Variants in LOXL4 observed in about 807,000 individuals in gnomAD.
LOXL4 encodes lysyl oxidase like 4, also known as lysyl oxidase homolog 4.
A neutral mutation model predicts 89.1 loss-of-function variants in LOXL4; 72 were observed. That is an observed-to-expected ratio of 0.81 (90% CI 0.67 to 0.98). The LOEUF is 0.98. Among genes scored for constraint, LOXL4 ranks in the 50% least tolerant of loss-of-function variants. LOXL4 has a pLI of 0.00. For missense variants in LOXL4, 984 were observed against 1,017.5 expected (o/e 0.97, Z 0.45); for synonymous variants, 355 against 392.1 (o/e 0.91, Z 1.12).
intron 12 of LOXL4, chr10:98,251,996 A>C: frequency 2.0e-6 from 1 of 506,234 alleles, no homozygotes; most frequent in Non-Finnish European, 3.5e-6. Context: ...ACCTCTAAAG[A>C]TTCAGTGTTT....
chr10:98,263,547 T>G (rs1667903933), intron 1 of LOXL4, among the ~76,000 whole-genome samples: 1 of 152,064 alleles, frequency 6.6e-6, no homozygotes, highest in African/African-American at 2.4e-5. Flanking sequence ...CACCTTCTGA[T>G]GTTCCTAGCA....
chr10:98,259,636 G>A (rs1858483193), intron 4 of LOXL4, among the ~76,000 whole-genome samples: 1 of 152,232 alleles, frequency 6.6e-6, no homozygotes, highest in Non-Finnish European at 1.5e-5. Context: ...AGGCAAGCAA[G>A]GTCCCTCGGC....
chr10:98,263,872 A>G (rs1213857091), intron 1 of LOXL4, among the ~76,000 whole-genome samples: 1 of 151,526 alleles, frequency 6.6e-6, no homozygotes, highest in Non-Finnish European at 1.5e-5. Flanking sequence ...CTGGGATTAC[A>G]GGCGCCCACC....
Position 98,256,804 on chromosome 10 carries a change from C to G in LOXL4, c.1404G>C (p.Leu468=). 1 of 1,614,174 alleles carries G rather than the reference C, an allele frequency of 6.2e-7. No homozygotes were observed. ...EAMVACRQLG[L]GFAIHAYKET... The stretch of plus-strand genomic sequence containing the variant: ...CCTTGTAGGCATGGATGGCAAAACC[C>G]AGGCCGAGCTGTCGGCAGGCCACCA... The change falls in exon 9 of 15, where the codon CTG becomes CTC. Residue 468 remains leucine, a synonymous_variant. Transcript: ENST00000260702.
intron 1 of LOXL4, among the ~76,000 whole-genome samples, chr10:98,263,258 A>G (rs1404541574): frequency 6.6e-6 from 1 of 152,044 alleles, no homozygotes; most frequent in East Asian, 1.9e-4. Flanking sequence ...ATTCGCCATG[A>G]CCTTGAGGAA....
Position 98,266,668 on chromosome 10 carries a change from A to G in LOXL4, c.-33+1464T>C, listed in dbSNP as rs373226744. On this transcript the variant is annotated intron_variant, in intron 1 of 14. Transcript: ENST00000260702. ...CCTCTTATTGGCCTTCCTGCCCACTATAGGCCCCCGAGAGCTTTTGCTCAC... is the reference window on the plus strand; with the variant it reads ...CCTCTTATTGGCCTTCCTGCCCACTGTAGGCCCCCGAGAGCTTTTGCTCAC... Among the ~76,000 whole-genome samples the G allele has an allele frequency of 1.1e-3, 173 of 152,244 alleles. 1 individual carries two copies. The highest frequency in any genetic ancestry group is 0.01 in the Middle Eastern group (3 of 292).
At chr10:98,261,643 G>T (rs957455743) in intron 3 of LOXL4, among the ~76,000 whole-genome samples, 3 of 152,252 alleles carry the variant, frequency 2.0e-5, no homozygotes, top group Non-Finnish European at 2.9e-5. Context: ...GAGGCTGGAG[G>T]CTGCCTGGCA....
At chr10:98,265,805 T>C (rs1462619574) in intron 1 of LOXL4, among the ~76,000 whole-genome samples, 1 of 152,170 alleles carries the variant, frequency 6.6e-6, no homozygotes, top group Non-Finnish European at 1.5e-5. Flanking sequence ...CCACGTCCGA[T>C]CTCAACTGCA....
chr10:98,262,605 G>T, intron 2 of LOXL4, 138 bp downstream of exon 2: 1 of 1,094,282 alleles, frequency 9.1e-7, no homozygotes. Context: ...GCCATGTGCA[G>T]CTGAGGCACT....
intron 3 of LOXL4, 78 bp downstream of exon 3, chr10:98,261,957 C>A: frequency 7.0e-7 from 1 of 1,428,050 alleles, no homozygotes; most frequent in Non-Finnish European, 9.3e-7. Flanking sequence ...CGCTTATCCT[C>A]TAGGCCCGTC....
In LOXL4 at chr10:98,251,708, A is replaced by G. The variant is rs759012020; in HGVS notation, c.1952-6T>C. On this transcript the variant is annotated splice_polypyrimidine_tract_variant and splice_region_variant and intron_variant, in intron 12 of 14. Coordinates refer to ENST00000260702, the MANE Select transcript of LOXL4 (RefSeq NM_032211.7). ...TGCGTAGCGCCGCTGCAGTCCTGTA[A>G]GGAAGGGGACAGACAGGTTTTGAGG... is the stretch of plus-strand genomic sequence containing the variant. The G allele has an allele frequency of 1.9e-6, 3 of 1,614,070 alleles. No homozygotes were observed. The highest frequency in any genetic ancestry group is 2.5e-6 in the Non-Finnish European group (3 of 1,180,008).
chr10:98,255,636 C>T lies in LOXL4; in HGVS notation c.1532G>A (p.Gly511Glu). 1 of 1,613,542 alleles carries T rather than the reference C, an allele frequency of 6.2e-7. No individual in the cohort carries two copies. Among genetic ancestry groups the T allele is most frequent in the Non-Finnish European group, 8.5e-7 (1 of 1,179,604 alleles). The change falls in exon 10 of 15, where the codon GGG (glycine) becomes GAG (glutamate). Residue 511 changes from glycine (G) to glutamate (E), a missense_variant. By Grantham distance (98) the Gly-to-Glu change is moderately conservative. Transcript: ENST00000260702. ...ELALQQCQRH[G>E]PVHCSHGGGR... is the part of the protein sequence containing the mutation. ...GCCACCGTGGGAGCAGTGCACCGGC[C>T]CGTGCCTCTGGCACTGCTGCAGGGC...
chr10:98,255,879 C>T lies in LOXL4; in HGVS notation c.1429-140G>A, dbSNP rs1373466633. ...CTGAAAATCTTCAGTGATGAGAACC[C>T]GAATTCCCTGGGGCAGTCCATGACA... On this transcript the variant is annotated intron_variant, in intron 9 of 14. Coordinates refer to ENST00000260702, the MANE Select transcript of LOXL4 (RefSeq NM_032211.7). 9.5e-6 allele frequency: 9 copies of T among 948,274 alleles called. No individual in the cohort carries two copies. The South Asian group carries it at 1.2e-4, about 13-fold the overall frequency. The allele number at this position is 948,274 out of a possible 1,614,324, so 58.7% of individuals were successfully genotyped here.
chr10:98,251,967 C>T (rs989383212), intron 12 of LOXL4: 9 of 522,236 alleles, frequency 1.7e-5, no homozygotes, highest in African/African-American at 5.7e-5. Context: ...CTTGTGCATC[C>T]GCCTATCCAT....
intron 6 of LOXL4, 45 bp downstream of exon 6, chr10:98,258,964 C>G: frequency 6.9e-7 from 1 of 1,448,668 alleles, no homozygotes; most frequent in Non-Finnish European, 9.3e-7. Flanking sequence ...GTGTCCCGCC[C>G]GTGCCTCCAA....
At position 98,250,982 on chromosome 10, in the gene LOXL4, G is replaced by C. The variant is rs1375296621; in HGVS notation, c.2200+83C>G. The C allele has an allele frequency of 9.5e-6, 9 of 944,508 alleles. No individual in the cohort carries two copies. The Admixed American group carries it at 1.5e-4, about 16-fold the overall frequency. 58.5% of individuals were successfully genotyped at this position (944,508 alleles called of 1,614,324 possible). On this transcript the variant is annotated intron_variant, in intron 14 of 14. Coordinates refer to ENST00000260702, the MANE Select transcript of LOXL4 (RefSeq NM_032211.7). ...CCACACACATACAAGTCACACGCTGGAGTGTGGGAGCAGAGGGTACATTTA... is the reference window on the plus strand; with the variant it reads ...CCACACACATACAAGTCACACGCTGCAGTGTGGGAGCAGAGGGTACATTTA...
intron 1 of LOXL4, among the ~76,000 whole-genome samples, chr10:98,266,371 A>G (rs1334909279): frequency 6.6e-6 from 1 of 152,284 alleles, no homozygotes; most frequent in East Asian, 1.9e-4. Context: ...CAGCCCCCCT[A>G]TCCGACATGC....
chr10:98,250,458 A>C (rs544330903), intron 14 of LOXL4, among the ~76,000 whole-genome samples: 49 of 152,350 alleles, frequency 3.2e-4, no homozygotes, highest in African/African-American at 1.1e-3. Context: ...ATCCCACCGC[A>C]CATATGCAAG....
chr10:98,258,192 G>C (rs370595888), intron 6 of LOXL4, 28 bp from the exon 7 acceptor site: 1 of 1,589,070 alleles, frequency 6.3e-7, no homozygotes, highest in Admixed American at 1.7e-5. Context: ...CTTCAGGGAC[G>C]GCTGAGGAGG....
Sources: gnomAD v4.1 joint callset for allele counts (sites outside exome capture counted in the v4.1 genomes callset) on GRCh38, gnomAD v4.1.1 for gene constraint, MANE v1.5 for transcripts, NCBI Gene and HGNC (gene_info 2026-07-23, HGNC 2026-07-21) for gene names.